The following CATSPERB variants were observed in gnomAD, a reference collection of about 807,000 sequenced individuals.
The protein encoded by CATSPERB is cation channel sperm-associated auxiliary subunit beta.
A neutral mutation model predicts 128.3 loss-of-function variants in CATSPERB; 93 were observed. That is an observed-to-expected ratio of 0.72 (90% CI 0.61 to 0.86). The LOEUF is 0.86. Ranked by LOEUF, CATSPERB falls within the 40% of genes least tolerant of loss-of-function variation. The probability of loss-of-function intolerance (pLI) is 0.00; values close to 1 mark genes in which losing one functional copy is unlikely to be tolerated. For synonymous variants in CATSPERB, 381 were observed against 448.8 expected (o/e 0.85, Z 1.91); for missense variants, 1,153 against 1,329.5 (o/e 0.87, Z 2.06).
chr14:91,612,561 G>A (rs146906187), intron 20 of CATSPERB, among the ~76,000 whole-genome samples: 203 of 152,236 alleles, frequency 1.3e-3, no homozygotes, highest in African/African-American at 4.5e-3. Context: ...CACAGTAAAT[G>A]TACTTGATCT....
At chr14:91,587,957 A>T (rs1307050516) in intron 25 of CATSPERB, 21 bp downstream of exon 25, 1 of 1,502,064 alleles carries the variant, frequency 6.7e-7, no homozygotes, top group Admixed American at 1.7e-5. Context: ...AACACAGTAA[A>T]AACAACAATG....
At chr14:91,721,355 T>C (rs1413634541) in intron 4 of CATSPERB, among the ~76,000 whole-genome samples, 1 of 152,126 alleles carries the variant, frequency 6.6e-6, no homozygotes, top group Non-Finnish European at 1.5e-5. Flanking sequence ...CTAGAATCTA[T>C]ACAGAGCTTT....
intron 2 of CATSPERB, among the ~76,000 whole-genome samples, chr14:91,727,296 G>A (rs917159934): frequency 6.6e-6 from 1 of 152,112 alleles, no homozygotes; most frequent in Non-Finnish European, 1.5e-5. Context: ...ATTGTTCTAG[G>A]AGAACTGTGT....
intron 26 of CATSPERB, among the ~76,000 whole-genome samples, chr14:91,583,145 A>G (rs375822425): frequency 6.6e-6 from 1 of 152,234 alleles, no homozygotes; most frequent in Admixed American, 6.5e-5. Flanking sequence ...GTGGCTGGGC[A>G]CGGTGGCTCA....
Position 91,588,212 on chromosome 14 carries a change from A to C in CATSPERB, c.2957-134T>G, listed in dbSNP as rs1893337543. On this transcript the variant is annotated intron_variant, in intron 24 of 26. Coordinates refer to ENST00000256343, the MANE Select transcript of CATSPERB (RefSeq NM_024764.4). ...ATTTCATTTGCAATTACTAATATAAAATTTGTCATGCACATTAAGGTACAA... is the reference window on the plus strand; with the variant it reads ...ATTTCATTTGCAATTACTAATATAACATTTGTCATGCACATTAAGGTACAA... 5 of 620,526 alleles carry C rather than the reference A, an allele frequency of 8.1e-6. No individual in the cohort carries two copies. The South Asian group carries it at 1.0e-4, about 12-fold the overall frequency. The allele number at this position is 620,526 out of a possible 1,614,324, so 38.4% of individuals were successfully genotyped here.
At position 91,589,545 on chromosome 14, in the gene CATSPERB, T is replaced by C; in HGVS notation, c.2945A>G (p.Asn982Ser). 2 of 1,613,158 alleles carry C rather than the reference T, an allele frequency of 1.2e-6. No homozygotes were observed. Among genetic ancestry groups the C allele is most frequent in the Admixed American group, 3.3e-5 (2 of 59,968 alleles). Reference sequence around the variant, plus strand: ...AAAGCAAACCCTACTCAGTTTCCAGTTGTGCCTCATGTTCACTTCAGTCAC... The same window carrying C: ...AAAGCAAACCCTACTCAGTTTCCAGCTGTGCCTCATGTTCACTTCAGTCAC... ...VTVTEVNMRHNWKLKHTVPEN... is the reference protein window; with the variant it reads ...VTVTEVNMRHSWKLKHTVPEN... Residue 982 changes from asparagine to serine, a missense_variant, in exon 24 of 27, where the codon AAC becomes AGC. Coordinates refer to ENST00000256343, the MANE Select transcript of CATSPERB (RefSeq NM_024764.4).
In CATSPERB at chr14:91,645,811, C is replaced by A. The variant is rs1336960814; in HGVS notation, c.1433-6561G>T. 4.0e-5 allele frequency among the ~76,000 whole-genome samples: 6 copies of A among 150,376 alleles called. No individual in the cohort carries two copies. In the South Asian group the frequency reaches 1.3e-3, roughly 33 times the overall value. On this transcript the variant is annotated intron_variant, in intron 15 of 26. Transcript: ENST00000256343. ...GGTGGGCGCCCCTCCCCCAGCCTCGCTGCTGCCTTGCAGTTTGATCTCAGA... is the reference window on the plus strand; with the variant it reads ...GGTGGGCGCCCCTCCCCCAGCCTCGATGCTGCCTTGCAGTTTGATCTCAGA...
chr14:91,622,294 C>T (rs2139788387), intron 18 of CATSPERB, among the ~76,000 whole-genome samples: 1 of 152,018 alleles, frequency 6.6e-6, no homozygotes, highest in East Asian at 1.9e-4. Flanking sequence ...ATAATGTAGC[C>T]AGTTTCCCCA....
intron 15 of CATSPERB, among the ~76,000 whole-genome samples, chr14:91,653,542 T>A (rs1402708745): frequency 6.6e-6 from 1 of 152,106 alleles, no homozygotes; most frequent in Non-Finnish European, 1.5e-5. Context: ...CTGGGGAAGA[T>A]CTCACAATCA....
intron 2 of CATSPERB, among the ~76,000 whole-genome samples, chr14:91,726,106 G>A (rs556769218): frequency 1.3e-5 from 2 of 152,246 alleles, no homozygotes; most frequent in African/African-American, 4.8e-5. Flanking sequence ...GACACCTCAG[G>A]CCATTCAGTA....
chr14:91,632,593 T>A (rs1894298736), intron 17 of CATSPERB, among the ~76,000 whole-genome samples: 1 of 152,142 alleles, frequency 6.6e-6, no homozygotes, highest in East Asian at 1.9e-4. Context: ...ACTATAATTT[T>A]AAAATGGACA....
chr14:91,681,377 G>A (rs1391244289), intron 11 of CATSPERB, among the ~76,000 whole-genome samples: 1 of 152,118 alleles, frequency 6.6e-6, no homozygotes, highest in Non-Finnish European at 1.5e-5. Flanking sequence ...AGACCACAAT[G>A]ACAGGAAAAA....
chr14:91,625,102 A>C (rs1187558133), intron 17 of CATSPERB, 95 bp from the exon 18 acceptor site: 1 of 692,912 alleles, frequency 1.4e-6, no homozygotes, highest in Non-Finnish European at 2.3e-6. Flanking sequence ...AGTATACCAC[A>C]AATAACTAAC....
intron 11 of CATSPERB, among the ~76,000 whole-genome samples, chr14:91,680,620 T>C (rs1895263818): frequency 6.6e-6 from 1 of 152,212 alleles, no homozygotes; most frequent in South Asian, 2.1e-4. Flanking sequence ...ATAAGTCTTT[T>C]GACTCTAAGT....
At chr14:91,723,220 T>G in intron 3 of CATSPERB, 31 bp from the exon 4 acceptor site, 1 of 1,413,704 alleles carries the variant, frequency 7.1e-7, no homozygotes, top group Non-Finnish European at 9.3e-7. Context: ...AAAAAACAAC[T>G]AATAACCACT....
At chr14:91,614,601 G>A (rs534395660) in intron 20 of CATSPERB, among the ~76,000 whole-genome samples, 1 of 151,554 alleles carries the variant, frequency 6.6e-6, no homozygotes, top group South Asian at 2.1e-4. Context: ...AGTACCTTGA[G>A]ACCAGCCTGG....
intron 5 of CATSPERB, among the ~76,000 whole-genome samples, chr14:91,714,277 C>CAAAAAAAAAAAAAAG (rs1895895896): frequency 1.5e-4 from 17 of 111,262 alleles, no homozygotes; most frequent in Non-Finnish European, 2.7e-4. Flanking sequence ...TACAATAAGG[C>CAAAAAAAAAAAAAAG]AAAAAAAAAA....
At chr14:91,581,467 A>C in intron 26 of CATSPERB, among the ~76,000 whole-genome samples, 1 of 152,238 alleles carries the variant, frequency 6.6e-6, no homozygotes, top group Admixed American at 6.5e-5. Flanking sequence ...GCAGTCAGGG[A>C]ATGCGCTTTC....
At chr14:91,596,452 C>G (rs1300822503) in intron 22 of CATSPERB, among the ~76,000 whole-genome samples, 1 of 152,144 alleles carries the variant, frequency 6.6e-6, no homozygotes, top group Non-Finnish European at 1.5e-5. Context: ...ATCCGCCCAC[C>G]TTGGCCTCCC....
Sources: gnomAD v4.1 joint callset for allele counts (sites outside exome capture counted in the v4.1 genomes callset) on GRCh38, gnomAD v4.1.1 for gene constraint, MANE v1.5 for transcripts, NCBI Gene and HGNC (gene_info 2026-07-23, HGNC 2026-07-21) for gene names.